The following MBTPS1 variants were observed in gnomAD, a reference collection of about 807,000 sequenced individuals.
MBTPS1 encodes the protein membrane bound transcription factor peptidase, site 1.
MBTPS1 carries 94 observed loss-of-function variants against 127.8 expected under a neutral mutation model. That is an observed-to-expected ratio of 0.74 (90% CI 0.62 to 0.87). MBTPS1 has a LOEUF of 0.87. Among genes scored for constraint, MBTPS1 ranks in the 40% least tolerant of loss-of-function variants. MBTPS1 has a pLI of 0.00. For synonymous variants in MBTPS1, 632 were observed against 509.4 expected (o/e 1.24, Z -3.24); for missense variants, 1,636 against 1,353.2 (o/e 1.21, Z -3.28).
chr16:84,116,196 C>G (rs1210287602), intron 1 of MBTPS1, among the ~76,000 whole-genome samples: 1 of 152,166 alleles, frequency 6.6e-6, no homozygotes, highest in African/African-American at 2.4e-5. Flanking sequence ...AGGTAAACAT[C>G]TTAATAAAAA....
chr16:84,081,912 G>A lies in MBTPS1; in HGVS notation c.1287-4C>T. The A allele has an allele frequency of 5.1e-6, 7 of 1,384,960 alleles. 1 individual carries two copies. The highest frequency in any genetic ancestry group is 6.6e-6 in the Non-Finnish European group (7 of 1,058,040). 85.8% of individuals were successfully genotyped at this position (1,384,960 alleles called of 1,614,324 possible). ...CAGCTCACGCTTCTGGACTGTGCTG[G>A]AGGAAAAATCAAGAATTGCCTATTT... On this transcript the variant is annotated splice_region_variant and splice_polypyrimidine_tract_variant and intron_variant, in intron 10 of 22. Coordinates refer to ENST00000343411, the MANE Select transcript of MBTPS1 (RefSeq NM_003791.4).
At chr16:84,085,886 A>C (rs2086015245) in intron 9 of MBTPS1, 1 of 152,162 alleles carries the variant, frequency 6.6e-6, no homozygotes, top group Non-Finnish European at 1.5e-5. Flanking sequence ...CTTTACAAGG[A>C]AAAAAGTACA....
intron 18 of MBTPS1, among the ~76,000 whole-genome samples, chr16:84,063,950 C>A (rs1419736809): frequency 6.6e-6 from 1 of 152,162 alleles, no homozygotes; most frequent in Admixed American, 6.5e-5. Flanking sequence ...AGTATGTCCA[C>A]ATATTTATAT....
chr16:84,099,139 G>C lies in MBTPS1; in HGVS notation c.335C>G (p.Ala112Gly). ...ATGATCTTCAAGTGTTAGCAGCCCC[G>C]CTTTCTGTTTTTCTTTTATCTGAAT... is the stretch of plus-strand genomic sequence containing the variant. ...EVIQIKEKQK[A>G]GLLTLEDHPN... Residue 112 changes from alanine (A) to glycine (G), a missense_variant, in exon 3 of 23, where the codon GCG (alanine) becomes GGG (glycine). Coordinates refer to ENST00000343411, the MANE Select transcript of MBTPS1 (RefSeq NM_003791.4). 12 of 1,614,052 alleles carry C rather than the reference G, an allele frequency of 7.4e-6. No homozygotes were observed. Among genetic ancestry groups the C allele is most frequent in the Non-Finnish European group, 1.0e-5 (12 of 1,179,964 alleles).
chr16:84,063,308 T>C lies in MBTPS1; in HGVS notation c.2569A>G (p.Lys857Glu). 6.2e-7 allele frequency: 1 copy of C among 1,608,232 alleles called. No homozygotes were observed. Among genetic ancestry groups the C allele is most frequent in the Non-Finnish European group, 8.5e-7 (1 of 1,175,420 alleles). Residue 857 changes from lysine to glutamate, a missense_variant, in exon 19 of 23, where the codon AAG becomes GAG. Transcript: ENST00000343411. ...AGTCCATCTGCGTTTTTCCTACCCT[T>C]CTGTCGGTGACTGTCATCCAAGCAA... ...SNCLDDSHRQ[K>E]DCFWLLDALL...
intron 20 of MBTPS1, 114 bp downstream of exon 20, chr16:84,060,568 C>T: frequency 1.6e-6 from 2 of 1,242,544 alleles, no homozygotes; most frequent in Non-Finnish European, 1.1e-6. Flanking sequence ...GAAAACCACT[C>T]AGCGGCGCAC....
At chr16:84,103,869 G>C (rs1207938423) in intron 1 of MBTPS1, among the ~76,000 whole-genome samples, 1 of 152,178 alleles carries the variant, frequency 6.6e-6, no homozygotes, top group African/African-American at 2.4e-5. Flanking sequence ...TCAGAAATGA[G>C]TCAAAGTTTA....
chr16:84,114,802 C>T (rs555037241), intron 1 of MBTPS1, among the ~76,000 whole-genome samples: 1 of 141,730 alleles, frequency 7.1e-6, no homozygotes, highest in East Asian at 2.0e-4. Context: ...GCACTCCAGC[C>T]TGGGCGACAG....
At chr16:84,054,769 G>T in intron 22 of MBTPS1, 124 bp from the exon 23 acceptor site, 1 of 682,034 alleles carries the variant, frequency 1.5e-6, no homozygotes, top group Non-Finnish European at 2.3e-6. Flanking sequence ...GGGCTTGCAG[G>T]GCATACATCA....
intron 3 of MBTPS1, 23 bp from the exon 4 acceptor site, chr16:84,095,828 TCAGAA>T (rs1284306623): frequency 4.4e-6 from 7 of 1,605,150 alleles, no homozygotes; most frequent in East Asian, 2.2e-5. Flanking sequence ...GAGAGAAAGA[TCAGAA>T]CAGAAGAGCA....
chr16:84,084,030 G>GT (rs1241729574), intron 10 of MBTPS1, among the ~76,000 whole-genome samples: 1 of 152,224 alleles, frequency 6.6e-6, no homozygotes, highest in Non-Finnish European at 1.5e-5. Context: ...CACGATCTCA[G>GT]TTCACTGCAG....
intron 1 of MBTPS1, among the ~76,000 whole-genome samples, 156 bp from the exon 2 acceptor site, chr16:84,102,263 C>A (rs1226818134): frequency 6.6e-6 from 1 of 152,124 alleles, no homozygotes; most frequent in African/African-American, 2.4e-5. Context: ...GGGAAGATCA[C>A]TTGAGCCCAG....
chr16:84,093,795 CA>C lies in MBTPS1; in HGVS notation c.651del (p.Phe217LeufsTer5). ...YTGANVRVAV[F>X]DTGLSEKHPH... ...GGATGCTTCTCGCTCAGCCCAGTGTCAAAAACAGCAACTCTTACATTAGCAC... is the reference window on the plus strand; with the variant it reads ...GGATGCTTCTCGCTCAGCCCAGTGTCAAAACAGCAACTCTTACATTAGCAC... On this transcript the variant is annotated frameshift_variant, in exon 5 of 23. Transcript: ENST00000343411. LOFTEE classifies it high-confidence loss of function. 2 of 1,613,278 alleles carry C rather than the reference CA, an allele frequency of 1.2e-6. No individual in the cohort carries two copies. Among genetic ancestry groups the C allele is most frequent in the Non-Finnish European group, 1.7e-6 (2 of 1,179,340 alleles).
rs575061065 is a variant in MBTPS1 at position 84,076,504 on chromosome 16, T to C, written c.1449-1763A>G. Among the ~76,000 whole-genome samples, 61 of 152,298 alleles carry C rather than the reference T, an allele frequency of 4.0e-4. 1 individual carries two copies. In the East Asian group the frequency reaches 8.1e-3, roughly 20 times the overall value. On this transcript the variant is annotated intron_variant, in intron 11 of 22. Transcript: ENST00000343411. ...AATTGGCAAGGAAGATGTAAAACTA[T>C]CTTTATTTCCATATGGTAGGTTAGT...
chr16:84,112,746 G>C (rs767476088), intron 1 of MBTPS1, among the ~76,000 whole-genome samples: 1 of 151,346 alleles, frequency 6.6e-6, no homozygotes, highest in Non-Finnish European at 1.5e-5. Context: ...AGGCCGAGAC[G>C]GGCAGATCAC....
At chr16:84,073,558 A>T (rs2085804410) in intron 12 of MBTPS1, among the ~76,000 whole-genome samples, 8 of 152,196 alleles carry the variant, frequency 5.3e-5, no homozygotes, top group Admixed American at 5.2e-4. Flanking sequence ...TATTTAAAAA[A>T]CAGTGGCCAA....
At chr16:84,078,756 C>T (rs1270097636) in intron 11 of MBTPS1, among the ~76,000 whole-genome samples, 4 of 152,122 alleles carry the variant, frequency 2.6e-5, no homozygotes, top group East Asian at 3.9e-4. Flanking sequence ...ATTTCCAGGA[C>T]GTTAAGTGAA....
intron 1 of MBTPS1, among the ~76,000 whole-genome samples, chr16:84,106,735 G>C (rs902120792): frequency 6.6e-6 from 1 of 152,184 alleles, no homozygotes; most frequent in Non-Finnish European, 1.5e-5. Flanking sequence ...GTGTGGAAGG[G>C]GGCACAGGCT....
At chr16:84,073,091 A>AT (rs1391143036) in intron 12 of MBTPS1, among the ~76,000 whole-genome samples, 1 of 152,256 alleles carries the variant, frequency 6.6e-6, no homozygotes, top group African/African-American at 2.4e-5. Context: ...CTATTTCTAT[A>AT]TAAACAACCA....
Sources: gnomAD v4.1 joint callset for allele counts (sites outside exome capture counted in the v4.1 genomes callset) on GRCh38, gnomAD v4.1.1 for gene constraint, MANE v1.5 for transcripts, NCBI Gene and HGNC (gene_info 2026-07-23, HGNC 2026-07-21) for gene names.